The following UBE2D2 variants were observed in gnomAD, a reference collection of about 807,000 sequenced individuals.
The protein encoded by UBE2D2 is ubiquitin-conjugating enzyme E2 D2.
In UBE2D2, 2 loss-of-function variants were observed where a neutral mutation model predicts 24.2. The observed-to-expected ratio is 0.08, with a 90% CI of 0.03 to 0.26. UBE2D2 has a LOEUF of 0.26. Among genes scored for constraint, UBE2D2 ranks in the 10% least tolerant of loss-of-function variants. UBE2D2 has a pLI of 1.00. For missense variants in UBE2D2, 44 were observed against 177.6 expected (o/e 0.25, Z 4.28); for synonymous variants, 58 against 56.5 (o/e 1.03, Z -0.12).
At chr5:139,566,031 C>CT (rs397882200) in intron 1 of UBE2D2, among the ~76,000 whole-genome samples, 9,382 of 139,296 alleles carry the variant, frequency 0.067, 920 homozygotes, top group African/African-American at 0.21. Context: ...TTTTTTCTTT[C>CT]TTTTTTTTTT....
chr5:139,565,370 C>T (rs943620883), intron 1 of UBE2D2, among the ~76,000 whole-genome samples: 1 of 152,156 alleles, frequency 6.6e-6, no homozygotes, highest in African/African-American at 2.4e-5. Flanking sequence ...CAAAGAGGGT[C>T]ATTATGAACA....
intron 1 of UBE2D2, among the ~76,000 whole-genome samples, chr5:139,590,405 A>G (rs1254739188): frequency 1.3e-5 from 2 of 151,242 alleles, no homozygotes; most frequent in African/African-American, 4.9e-5. Flanking sequence ...ACTGCACTTC[A>G]GCCTGGGCAA....
chr5:139,625,280 T>G (rs1034271080), intron 6 of UBE2D2, among the ~76,000 whole-genome samples: 5 of 131,168 alleles, frequency 3.8e-5, no homozygotes, highest in African/African-American at 1.1e-4. Flanking sequence ...TAATTTGTTT[T>G]TTTTTTTTTT....
intron 1 of UBE2D2, among the ~76,000 whole-genome samples, chr5:139,548,193 A>AAAAAAAAACAAAAAAAAAAAAAAAT: frequency 2.1e-5 from 1 of 47,104 alleles, no homozygotes; most frequent in Non-Finnish European, 3.8e-5. Context: ...ATAAAAAAAA[A>AAAAAAAAACAAAAAAAAAAAAAAAT]AAATAAATAA....
chr5:139,602,484 C>T (rs1199850598), intron 2 of UBE2D2, among the ~76,000 whole-genome samples: 1 of 152,088 alleles, frequency 6.6e-6, no homozygotes, highest in East Asian at 1.9e-4. Context: ...CGAGACCAGC[C>T]TGGGCAACAT....
chr5:139,574,280 CA>C (rs756512602), intron 1 of UBE2D2, among the ~76,000 whole-genome samples: 4,323 of 59,280 alleles, frequency 0.073, 163 homozygotes, highest in African/African-American at 0.21. Context: ...AACTCTGTCT[CA>C]AAAAAAAAAA....
At chr5:139,574,271 ACT>A (rs1409112806) in intron 1 of UBE2D2, among the ~76,000 whole-genome samples, 2 of 145,258 alleles carry the variant, frequency 1.4e-5, no homozygotes, top group Non-Finnish European at 3.0e-5. Flanking sequence ...CGAGAGTGAA[ACT>A]CTGTCTCAAA....
rs1241479798 is a variant in UBE2D2 at position 139,561,572 on chromosome 5, T to A, written c.-220T>A. The A allele has an allele frequency of 2.4e-6, 1 of 420,114 alleles. No individual in the cohort carries two copies. Among genetic ancestry groups the A allele is most frequent in the Non-Finnish European group, 4.2e-6 (1 of 239,176 alleles). The allele number at this position is 420,114 out of a possible 1,614,324, so 26.0% of individuals were successfully genotyped here. A position where few individuals can be genotyped will look rare whatever the true frequency, so the allele number is the denominator to read the frequency against. ...CGGTGGCGGCTAGGGCGGCGGCGAA[T>A]AAAGGGGCCGCCGCCGGGTGATGCG... On this transcript the variant is annotated 5_prime_UTR_variant, in exon 1 of 7. Coordinates refer to ENST00000398733, the MANE Select transcript of UBE2D2 (RefSeq NM_003339.3).
intron 1 of UBE2D2, among the ~76,000 whole-genome samples, chr5:139,543,675 C>T (rs1237552959): frequency 6.6e-6 from 1 of 152,216 alleles, no homozygotes; most frequent in South Asian, 2.1e-4. Context: ...AAAAGTGATA[C>T]GGTTCACGCC....
upstream of UBE2D2, among the ~76,000 whole-genome samples, chr5:139,558,055 T>A (rs1185864722): frequency 6.6e-6 from 1 of 151,544 alleles, no homozygotes; most frequent in East Asian, 1.9e-4. Flanking sequence ...ACCACTGCAC[T>A]CCAGCCTGAG....
chr5:139,569,943 AG>A (rs1753315551), intron 1 of UBE2D2, among the ~76,000 whole-genome samples: 1 of 152,176 alleles, frequency 6.6e-6, no homozygotes, highest in Non-Finnish European at 1.5e-5. Context: ...ATGATTGGCA[AG>A]GTTGCTCATA....
At chr5:139,620,196 T>G (rs1213877055) in intron 5 of UBE2D2, among the ~76,000 whole-genome samples, 1 of 152,182 alleles carries the variant, frequency 6.6e-6, no homozygotes, top group Non-Finnish European at 1.5e-5. Context: ...GAGATTTGTG[T>G]GGGGACACAG....
intron 2 of UBE2D2, among the ~76,000 whole-genome samples, chr5:139,603,648 G>T (rs921718573): frequency 6.5e-5 from 9 of 137,478 alleles, no homozygotes; most frequent in African/African-American, 2.5e-4. Context: ...AAAAAAAAAG[G>T]CTGGGTGTGG....
chr5:139,578,818 A>G (rs1012354081), intron 1 of UBE2D2, among the ~76,000 whole-genome samples: 3 of 152,150 alleles, frequency 2.0e-5, no homozygotes, highest in African/African-American at 7.2e-5. Flanking sequence ...TTGCCTTTCC[A>G]TGTACCTTAT....
chr5:139,617,909 T>C (rs567806651), intron 5 of UBE2D2, among the ~76,000 whole-genome samples: 1 of 152,242 alleles, frequency 6.6e-6, no homozygotes, highest in South Asian at 2.1e-4. Context: ...GTCAAAAGTG[T>C]TGGGTATTTG....
At chr5:139,565,322 C>T (rs535946768) in intron 1 of UBE2D2, among the ~76,000 whole-genome samples, 7 of 152,148 alleles carry the variant, frequency 4.6e-5, no homozygotes, top group Non-Finnish European at 1.0e-4. Context: ...TGATATACAT[C>T]TTAAGGTCCC....
chr5:139,590,918 C>G (rs1395899185), intron 1 of UBE2D2, among the ~76,000 whole-genome samples: 1 of 150,118 alleles, frequency 6.7e-6, no homozygotes, highest in African/African-American at 2.5e-5. Context: ...CCTCAGCCTC[C>G]TGAATAGCTG....
intron 1 of UBE2D2, among the ~76,000 whole-genome samples, chr5:139,581,943 A>G (rs1028785502): frequency 3.3e-5 from 5 of 151,896 alleles, no homozygotes; most frequent in Non-Finnish European, 5.9e-5. Flanking sequence ...CTGGGATTGC[A>G]GGCGTGAGCT....
At chr5:139,541,358 T>G (rs1361375679) in intron 1 of UBE2D2, among the ~76,000 whole-genome samples, 1 of 147,698 alleles carries the variant, frequency 6.8e-6, no homozygotes, top group African/African-American at 2.5e-5. Flanking sequence ...TCCCAGCACT[T>G]TGGGAGGCCG....
Sources: gnomAD v4.1 joint callset for allele counts (sites outside exome capture counted in the v4.1 genomes callset) on GRCh38, gnomAD v4.1.1 for gene constraint, MANE v1.5 for transcripts, NCBI Gene and HGNC (gene_info 2026-07-23, HGNC 2026-07-21) for gene names.